SCIN: variants seen among roughly 807,000 people sequenced by gnomAD.
The protein encoded by SCIN is scinderin, also known as adseverin.
SCIN carries 91 observed loss-of-function variants against 91.8 expected under a neutral mutation model. That is an observed-to-expected ratio of 0.99 (90% CI 0.84 to 1.18). SCIN has a LOEUF of 1.18. SCIN is among the 50% of genes most tolerant of loss of function. The pLI is 0.00. For missense variants in SCIN, 1,087 were observed against 863.9 expected (o/e 1.26, Z -3.24); for synonymous variants, 367 against 312.6 (o/e 1.17, Z -1.84).
intron 1 of SCIN, among the ~76,000 whole-genome samples, chr7:12,575,037 T>A (rs138014627): frequency 2.0e-5 from 3 of 152,238 alleles, no homozygotes; most frequent in African/African-American, 4.8e-5. Flanking sequence ...ATTTTCAGCA[T>A]ACAGATCCTG....
At chr7:12,598,076 ATT>A (rs1782879122) in intron 3 of SCIN, among the ~76,000 whole-genome samples, 1 of 152,154 alleles carries the variant, frequency 6.6e-6, no homozygotes, top group Non-Finnish European at 1.5e-5. Context: ...TTGCTTTACA[ATT>A]TTCAGTGTCT....
At chr7:12,610,681 G>GT (rs1783172283) in intron 4 of SCIN, among the ~76,000 whole-genome samples, 1 of 152,090 alleles carries the variant, frequency 6.6e-6, no homozygotes, top group South Asian at 2.1e-4. Context: ...ATTAAAGTAA[G>GT]TTTTAAGACC....
At chr7:12,638,242 T>C (rs1369038865) in intron 10 of SCIN, among the ~76,000 whole-genome samples, 1 of 152,146 alleles carries the variant, frequency 6.6e-6, no homozygotes, top group African/African-American at 2.4e-5. Context: ...AGAGAGTACT[T>C]TCTTGTTCCT....
In SCIN at chr7:12,657,977, T is replaced by C. The variant is rs2115312534; in HGVS notation, c.*5262T>C. ...ACTCCATCTTATTTAGAGAGATTAT[T>C]TTTGATGTTATTATAATAAAAATGA... On this transcript the variant is annotated 3_prime_UTR_variant, in exon 16 of 16. Coordinates refer to ENST00000297029, the MANE Select transcript of SCIN (RefSeq NM_001112706.3). 1 of 152,244 alleles carries C rather than the reference T, an allele frequency of 6.6e-6. No individual in the cohort carries two copies. The highest frequency in any genetic ancestry group is 2.1e-4 in the South Asian group (1 of 4,818). 9.4% of individuals were successfully genotyped at this position (152,244 alleles called of 1,614,324 possible). A position where few individuals can be genotyped will look rare whatever the true frequency, so the allele number is the denominator to read the frequency against.
chr7:12,653,768 A>T lies in SCIN; in HGVS notation c.*1053A>T, dbSNP rs1347991100. 2.0e-5 allele frequency: 3 copies of T among 152,232 alleles called. No individual in the cohort carries two copies. Among genetic ancestry groups the T allele is most frequent in the Non-Finnish European group, 4.4e-5 (3 of 68,024 alleles). 9.4% of individuals were successfully genotyped at this position (152,232 alleles called of 1,614,324 possible). On this transcript the variant is annotated 3_prime_UTR_variant, in exon 16 of 16. Transcript: ENST00000297029. The surrounding 1 kb of genome is among the most constrained non-coding windows in gnomAD (Gnocchi z 4.1). ...TAACGATATCAAGTTACTTACTGGC[A>T]GGTAGCCACTAGAGAATCTTAGCAA...
At position 12,629,191 on chromosome 7, in the gene SCIN, A is replaced by T; in HGVS notation, c.1288A>T (p.Thr430Ser). ...TGGTGACTGCTACATCATACTCTACACCTATCCCAGAGGACAGATTATCTA... is the reference window on the plus strand; with the variant it reads ...TGGTGACTGCTACATCATACTCTACTCCTATCCCAGAGGACAGATTATCTA... ...YGGDCYIILY[T>S]YPRGQIIYTW... Residue 430 changes from threonine to serine, a missense_variant, in exon 9 of 16, where the codon ACC (threonine) becomes TCC (serine). By Grantham distance (58) the Thr-to-Ser change is moderately conservative. Coordinates refer to ENST00000297029, the MANE Select transcript of SCIN (RefSeq NM_001112706.3). 6.2e-7 allele frequency: 1 copy of T among 1,612,888 alleles called. No individual in the cohort carries two copies.
chr7:12,620,939 G>C lies in SCIN; in HGVS notation c.667-1862G>C, dbSNP rs150318226. 2.2e-3 allele frequency among the ~76,000 whole-genome samples: 338 copies of C among 152,204 alleles called. 1 individual carries two copies. Among genetic ancestry groups the C allele is most frequent in the African/African-American group, 6.1e-3 (255 of 41,542 alleles). ...TAACACCTTCAAATGAGGCTTCTCT[G>C]TGTTTGTACCCCATTAAATTGTCAA... On this transcript the variant is annotated intron_variant, in intron 4 of 15. Coordinates refer to ENST00000297029, the MANE Select transcript of SCIN (RefSeq NM_001112706.3).
intron 1 of SCIN, among the ~76,000 whole-genome samples, chr7:12,574,859 G>A (rs1177569701): frequency 1.3e-5 from 2 of 152,100 alleles, no homozygotes; most frequent in East Asian, 1.9e-4. Flanking sequence ...CAATAAGCCT[G>A]TATATGTCTA....
chr7:12,640,196 A>G (rs893485005), intron 10 of SCIN, 151 bp from the exon 11 acceptor site: 2 of 596,194 alleles, frequency 3.4e-6, no homozygotes. Flanking sequence ...TCATTAACCT[A>G]TATGTTCTGT....
intron 9 of SCIN, among the ~76,000 whole-genome samples, chr7:12,629,552 G>C (rs552752553): frequency 1.4e-4 from 21 of 152,128 alleles, no homozygotes; most frequent in African/African-American, 5.1e-4. Context: ...CAGGTACCAT[G>C]GTTTCTTATG....
Position 12,654,388 on chromosome 7 carries a change from G to A in SCIN, c.*1673G>A, listed in dbSNP as rs981699213. 1 of 152,126 alleles carries A rather than the reference G, an allele frequency of 6.6e-6. No homozygotes were observed. Among genetic ancestry groups the A allele is most frequent in the Admixed American group, 6.5e-5 (1 of 15,276 alleles). The allele number at this position is 152,126 out of a possible 1,614,324, so 9.4% of individuals were successfully genotyped here. A position where few individuals can be genotyped will look rare whatever the true frequency, so the allele number is the denominator to read the frequency against. On this transcript the variant is annotated 3_prime_UTR_variant, in exon 16 of 16. Transcript: ENST00000297029. Reference sequence around the variant, plus strand: ...ACCATGTGACCCAATTCTGACATTTGCCTAAAGGAAAATTTACCTAAAAAG... The same window carrying A: ...ACCATGTGACCCAATTCTGACATTTACCTAAAGGAAAATTTACCTAAAAAG...
In SCIN at chr7:12,574,508, A is replaced by G. The variant is rs186254091; in HGVS notation, c.199+3523A>G. On this transcript the variant is annotated intron_variant, in intron 1 of 15. Coordinates refer to ENST00000297029, the MANE Select transcript of SCIN (RefSeq NM_001112706.3). ...GAATTTACACATGTGATAAAATTTT[A>G]TAGAACTAAATGCACACACACACGA... 7.2e-5 allele frequency among the ~76,000 whole-genome samples: 11 copies of G among 152,280 alleles called. No individual in the cohort carries two copies. In the East Asian group the frequency reaches 1.7e-3, roughly 24 times the overall value.
At chr7:12,582,484 C>G (rs1782507019) in intron 3 of SCIN, among the ~76,000 whole-genome samples, 5 of 152,174 alleles carry the variant, frequency 3.3e-5, no homozygotes, top group Admixed American at 3.3e-4. Flanking sequence ...ACTACTTATA[C>G]ATAATCCAAC....
intron 3 of SCIN, chr7:12,596,337 C>T (rs1782840296): frequency 2.2e-6 from 1 of 456,120 alleles, no homozygotes; most frequent in African/African-American, 2.0e-5. Flanking sequence ...GAAGTTGCTT[C>T]TCCCTGACGT....
intron 6 of SCIN, 57 bp from the exon 7 acceptor site, chr7:12,625,705 T>C: frequency 8.7e-7 from 1 of 1,143,192 alleles, no homozygotes; most frequent in African/African-American, 1.6e-5. Flanking sequence ...TATTTCTTAA[T>C]CATAGAATGT....
At chr7:12,652,566 A>G (rs368145601) in intron 15 of SCIN, 22 bp from the exon 16 acceptor site, 6 of 1,608,886 alleles carry the variant, frequency 3.7e-6, no homozygotes, top group Non-Finnish European at 5.1e-6. Context: ...CTGAATTTAT[A>G]TGTCTTTACA....
chr7:12,587,513 A>T (rs1259382087), intron 3 of SCIN, among the ~76,000 whole-genome samples: 1 of 152,154 alleles, frequency 6.6e-6, no homozygotes, highest in African/African-American at 2.4e-5. Flanking sequence ...GCCTCATTTT[A>T]GTCTTCTGAT....
rs948785550 is a variant in SCIN at position 12,622,954 on chromosome 7, G to C, written c.759+61G>C. On this transcript the variant is annotated intron_variant, in intron 5 of 15. Coordinates refer to ENST00000297029, the MANE Select transcript of SCIN (RefSeq NM_001112706.3). ...GTACTGGATGTAGCTAGGGAGGCCT[G>C]TATTGGGCGGGATTCCCGTTGCTGC... 31 of 1,219,120 alleles carry C rather than the reference G, an allele frequency of 2.5e-5. No individual in the cohort carries two copies. The Admixed American group carries it at 5.7e-4, about 22-fold the overall frequency. 75.5% of individuals were successfully genotyped at this position (1,219,120 alleles called of 1,614,324 possible).
At position 12,626,559 on chromosome 7, in the gene SCIN, CTATTAT is replaced by C; in HGVS notation, c.982-17_982-12del. 1.4e-6 allele frequency: 2 copies of C among 1,448,942 alleles called. No homozygotes were observed. Among genetic ancestry groups the C allele is most frequent in the Middle Eastern group, 2.4e-4 (1 of 4,160 alleles). The allele number at this position is 1,448,942 out of a possible 1,614,324, so 89.8% of individuals were successfully genotyped here. On this transcript the variant is annotated intron_variant, in intron 7 of 15. Transcript: ENST00000297029. ...CCTTAATTTCTTATTTTCCTGTTTA[CTATTAT>C]TATTATTTTAAATTTCAGATTCAAG...
Sources: gnomAD v4.1 joint callset for allele counts (sites outside exome capture counted in the v4.1 genomes callset) on GRCh38, gnomAD v4.1.1 for gene constraint, Gnocchi (gnomAD v3.1) non-coding constraint, MANE v1.5 for transcripts, NCBI Gene and HGNC (gene_info 2026-07-23, HGNC 2026-07-21) for gene names.